Variants in KIAA2012 observed in about 807,000 individuals in gnomAD.
The protein encoded by KIAA2012 is KIAA2012, also known as uncharacterized protein KIAA2012.
A neutral mutation model predicts 150.6 loss-of-function variants in KIAA2012; 125 were observed. The ratio of observed to expected loss-of-function variants is 0.83; its 90% CI spans 0.72 to 0.96. KIAA2012 has a LOEUF of 0.96. Ranked by LOEUF, KIAA2012 falls within the 40% of genes least tolerant of loss-of-function variation. The pLI is 0.00. For synonymous variants in KIAA2012, 462 were observed against 504.7 expected (o/e 0.92, Z 1.13); for missense variants, 1,219 against 1,354.9 (o/e 0.90, Z 1.57).
At chr2:202,086,167 C>CAAAAAAAAAA (rs56207993) in intron 2 of KIAA2012, among the ~76,000 whole-genome samples, 3 of 90,096 alleles carry the variant, frequency 3.3e-5, no homozygotes, top group African/African-American at 8.8e-5. Context: ...AACTCTGTCT[C>CAAAAAAAAAA]AAAAAAAAAA....
intron 22 of KIAA2012, chr2:202,201,642 G>A (rs2105757751): frequency 3.7e-6 from 6 of 1,610,786 alleles, no homozygotes; most frequent in East Asian, 4.5e-5. Context: ...GGAACCTAAA[G>A]ACCCAACAGC....
At chr2:202,203,095 T>C (rs1444493429) in intron 23 of KIAA2012, among the ~76,000 whole-genome samples, 1 of 152,158 alleles carries the variant, frequency 6.6e-6, no homozygotes, top group Non-Finnish European at 1.5e-5. Context: ...TTCATTCACC[T>C]AAATCCTTTA....
intron 8 of KIAA2012, among the ~76,000 whole-genome samples, chr2:202,103,793 G>A (rs764505639): frequency 3.9e-5 from 6 of 152,210 alleles, no homozygotes; most frequent in South Asian, 2.1e-4. Flanking sequence ...AACTGGCGAC[G>A]TGGGCTTTTT....
chr2:202,124,764 G>A (rs547989426), intron 11 of KIAA2012, among the ~76,000 whole-genome samples: 1 of 152,122 alleles, frequency 6.6e-6, no homozygotes, highest in South Asian at 2.1e-4. Context: ...TATCATCTGT[G>A]GATTTTCAAA....
chr2:202,094,101 G>A (rs1265988027), intron 4 of KIAA2012, among the ~76,000 whole-genome samples: 1 of 152,182 alleles, frequency 6.6e-6, no homozygotes, highest in Non-Finnish European at 1.5e-5. Flanking sequence ...GGGCAACATA[G>A]TGAGACCCTG....
Position 202,138,617 on chromosome 2 carries a change from A to G in KIAA2012, c.1908+109A>G, listed in dbSNP as rs577497871. Reference sequence around the variant, plus strand: ...GAGACTCTTTACCTCTCTGGGCCTCATTTGCCTAATCAGTAAAATGAGACA... The same window carrying G: ...GAGACTCTTTACCTCTCTGGGCCTCGTTTGCCTAATCAGTAAAATGAGACA... On this transcript the variant is annotated intron_variant, in intron 13 of 23. Transcript: ENST00000498697. 4.5e-4 allele frequency: 315 copies of G among 701,424 alleles called. 1 individual carries two copies. The highest frequency in any genetic ancestry group is 6.1e-4 in the Non-Finnish European group (255 of 418,930). The allele number at this position is 701,424 out of a possible 1,614,324, so 43.5% of individuals were successfully genotyped here.
intron 15 of KIAA2012, among the ~76,000 whole-genome samples, chr2:202,170,675 G>C (rs1001832376): frequency 6.6e-5 from 10 of 152,200 alleles, no homozygotes; most frequent in Admixed American, 5.9e-4. Context: ...GATCCAGACC[G>C]GGGCAGAAAT....
intron 5 of KIAA2012, among the ~76,000 whole-genome samples, chr2:202,098,102 G>A (rs1689941061): frequency 6.6e-6 from 1 of 152,194 alleles, no homozygotes; most frequent in African/African-American, 2.4e-5. Flanking sequence ...GCTCACGCCT[G>A]TAATCCCAAC....
intron 20 of KIAA2012, 83 bp downstream of exon 20, chr2:202,193,586 G>A: frequency 7.2e-7 from 1 of 1,387,040 alleles, no homozygotes; most frequent in Non-Finnish European, 9.8e-7. Flanking sequence ...TAGGGGCAAT[G>A]TTTGGTTCTG....
intron 3 of KIAA2012, among the ~76,000 whole-genome samples, chr2:202,092,313 C>G (rs1232420249): frequency 6.6e-6 from 1 of 152,218 alleles, no homozygotes; most frequent in East Asian, 1.9e-4. Flanking sequence ...CCACCCTCTT[C>G]CTGCACATCT....
chr2:202,075,976 T>C (rs1041991014), intron 2 of KIAA2012, among the ~76,000 whole-genome samples: 5 of 152,242 alleles, frequency 3.3e-5, no homozygotes, highest in African/African-American at 9.6e-5. Flanking sequence ...ACCACTTCCA[T>C]CATGGACGCC....
chr2:202,147,786 C>G (rs912737424), intron 13 of KIAA2012, among the ~76,000 whole-genome samples: 17 of 152,152 alleles, frequency 1.1e-4, no homozygotes, highest in Admixed American at 3.3e-4. Context: ...GGAAGTCACA[C>G]AGTTTTGAGT....
intron 14 of KIAA2012, among the ~76,000 whole-genome samples, chr2:202,156,669 A>G (rs1691534345): frequency 6.6e-6 from 1 of 152,196 alleles, no homozygotes; most frequent in South Asian, 2.1e-4. Context: ...GCAGATCACG[A>G]GGTCAGGAGA....
At position 202,190,629 on chromosome 2, in the gene KIAA2012, T is replaced by C. The variant is rs1284945258; in HGVS notation, c.2811+136T>C. 8.7e-6 allele frequency: 6 copies of C among 692,928 alleles called. No homozygotes were observed. In the African/African-American group the frequency reaches 1.1e-4, roughly 13 times the overall value. 42.9% of individuals were successfully genotyped at this position (692,928 alleles called of 1,614,324 possible). ...CCACCTAATGGTCTTATTGTTCTACTTTGGTATCTTCTGACCCTAGTAAGA... is the reference window on the plus strand; with the variant it reads ...CCACCTAATGGTCTTATTGTTCTACCTTGGTATCTTCTGACCCTAGTAAGA... On this transcript the variant is annotated intron_variant, in intron 19 of 23. Transcript: ENST00000498697.
At position 202,100,361 on chromosome 2, in the gene KIAA2012, T is replaced by G; in HGVS notation, c.1067T>G (p.Val356Gly). The G allele has an allele frequency of 6.4e-7, 1 of 1,550,604 alleles. No individual in the cohort carries two copies. The highest frequency in any genetic ancestry group is 1.2e-5 in the South Asian group (1 of 84,066). Reference sequence around the variant, plus strand: ...GCCAGAAGCAGCCACTTGTTACAGGTGCTTCCTGCTGAAAGAAGCCTCTTC... The same window carrying G: ...GCCAGAAGCAGCCACTTGTTACAGGGGCTTCCTGCTGAAAGAAGCCTCTTC... ...HKARSSHLLQ[V>G]LPAERSLFPP... Residue 356 changes from valine (V) to glycine (G), a missense_variant, in exon 7 of 24, where the codon GTG becomes GGG. Val to Gly is a moderately radical substitution (Grantham distance 109, BLOSUM62 -3). Transcript: ENST00000498697.
Position 202,202,565 on chromosome 2 carries a change from T to C in KIAA2012, c.3544T>C (p.Ter1182GlnextTer2). The change falls in exon 23 of 24, where the codon TAA (stop) becomes CAA (glutamine). Residue 1182 changes from the stop codon to glutamine (Q), a stop_lost. Transcript: ENST00000498697. ...YFQFLQIPRP[*>Q] ...CCAGTTCCTACAAATACCCAGGCCT[T>C]AAGGCTAGAAGAAAACTAAAAAGTA... is the stretch of plus-strand genomic sequence containing the variant. The C allele has an allele frequency of 2.5e-6, 1 of 398,938 alleles. No individual in the cohort carries two copies. The allele number at this position is 398,938 out of a possible 1,614,324, so 24.7% of individuals were successfully genotyped here.
chr2:202,125,370 C>A, intron 12 of KIAA2012, 88 bp downstream of exon 12: 1 of 984,594 alleles, frequency 1.0e-6, no homozygotes, highest in Non-Finnish European at 1.5e-6. Flanking sequence ...CTCCAGAAAC[C>A]CACAATTTCT....
At chr2:202,140,036 T>C (rs962653579) in intron 13 of KIAA2012, among the ~76,000 whole-genome samples, 9 of 152,260 alleles carry the variant, frequency 5.9e-5, no homozygotes, top group East Asian at 3.9e-4. Flanking sequence ...AAGACCAGCC[T>C]GGCCAACATG....
chr2:202,103,251 G>T (rs1690098933), intron 8 of KIAA2012, 137 bp downstream of exon 8: 4 of 832,706 alleles, frequency 4.8e-6, no homozygotes, highest in South Asian at 2.2e-5. Flanking sequence ...GAAGGAAAAA[G>T]GATAAAATCT....
Sources: gnomAD v4.1 joint callset for allele counts (sites outside exome capture counted in the v4.1 genomes callset) on GRCh38, gnomAD v4.1.1 for gene constraint, MANE v1.5 for transcripts, NCBI Gene and HGNC (gene_info 2026-07-23, HGNC 2026-07-21) for gene names.